Variants in DNAH8 observed in about 807,000 individuals in gnomAD.
The protein encoded by DNAH8 is dynein axonemal heavy chain 8.
DNAH8 carries 382 observed loss-of-function variants against 562.1 expected under a neutral mutation model. That is an observed-to-expected ratio of 0.68 (90% CI 0.63 to 0.74). The LOEUF (loss-of-function observed/expected upper bound fraction) is 0.74, where lower values mean the gene tolerates loss of function less well. DNAH8 is among the 30% of genes least tolerant of loss of function. DNAH8 has a pLI of 0.00. For missense variants in DNAH8, 5,203 were observed against 5,620.4 expected, an observed-to-expected ratio of 0.93 and a Z score of 2.37; for synonymous variants, 1,881 against 1,919.4, an observed-to-expected ratio of 0.98 and a Z score of 0.52.
chr6:38,761,441 G>GT lies in DNAH8; in HGVS notation c.1516-252dup, dbSNP rs149254080. ...GAAAATTCCAATTTCAAGTTCTCTA[G>GT]TTTTTTTTTAATGTTATTATTATTA... is the stretch of plus-strand genomic sequence containing the variant. On this transcript the variant is annotated intron_variant, in intron 10 of 92. Transcript: ENST00000327475. 0.12 allele frequency among the ~76,000 whole-genome samples: 17,956 copies of GT among 148,560 alleles called. 1,316 individuals are homozygous for GT. Among genetic ancestry groups the GT allele is most frequent in the Admixed American group, 0.21 (3,148 of 14,848 alleles).
intron 56 of DNAH8, among the ~76,000 whole-genome samples, chr6:38,885,089 A>G (rs1286030064): frequency 6.6e-6 from 1 of 152,214 alleles, no homozygotes; most frequent in African/African-American, 2.4e-5. Context: ...TCCAAGGCAG[A>G]TAGACCTCAG....
chr6:38,963,641 C>T (rs1762779664), intron 82 of DNAH8, among the ~76,000 whole-genome samples: 1 of 131,166 alleles, frequency 7.6e-6, no homozygotes, highest in South Asian at 2.7e-4. Context: ...GCTGGGATTA[C>T]AGTCGTGAGC....
chr6:39,027,064 C>A (rs1169376202), intron 92 of DNAH8, among the ~76,000 whole-genome samples: 1 of 151,668 alleles, frequency 6.6e-6, no homozygotes, highest in Non-Finnish European at 1.5e-5. Context: ...CCACCATAAA[C>A]AAACAAACAA....
chr6:38,905,940 C>T (rs1446743572), intron 62 of DNAH8, among the ~76,000 whole-genome samples: 2 of 152,082 alleles, frequency 1.3e-5, no homozygotes, highest in Non-Finnish European at 1.5e-5. Flanking sequence ...GAGTCTCACT[C>T]TGTCGCCCAG....
At chr6:38,796,639 C>A (rs1012244967) in intron 21 of DNAH8, among the ~76,000 whole-genome samples, 4 of 152,058 alleles carry the variant, frequency 2.6e-5, no homozygotes, top group Non-Finnish European at 4.4e-5. Flanking sequence ...TGTGAAAATC[C>A]CTGTCCTGTT....
In DNAH8 at chr6:38,870,559, G is replaced by T. The variant is rs751705607; in HGVS notation, c.6987G>T (p.Val2329=). ...INHPPWNLKL[V]QLYETSLVRH... is the part of the protein sequence containing the mutation. ...ATCCACCCTGGAACCTGAAACTCGTGCAGGTAAAGACATTTTAATCTATTA... is the reference window on the plus strand; with the variant it reads ...ATCCACCCTGGAACCTGAAACTCGTTCAGGTAAAGACATTTTAATCTATTA... The change falls in exon 49 of 93, where the codon GTG becomes GTT. Residue 2329 remains valine (V), a synonymous_variant. Transcript: ENST00000327475. The T allele has an allele frequency of 4.6e-5, 75 of 1,613,132 alleles. No homozygotes were observed. The highest frequency in any genetic ancestry group is 6.7e-5 in the African/African-American group (5 of 74,860).
chr6:38,874,763 A>G (rs970983621), intron 52 of DNAH8, among the ~76,000 whole-genome samples: 21 of 152,174 alleles, frequency 1.4e-4, no homozygotes, highest in Non-Finnish European at 2.9e-4. Context: ...ATTCTGATCT[A>G]TAGGTGATCT....
chr6:38,852,851 T>C, intron 40 of DNAH8, 53 bp downstream of exon 40: 1 of 1,361,526 alleles, frequency 7.3e-7, no homozygotes, highest in South Asian at 1.2e-5. Flanking sequence ...AAAACTTAGG[T>C]TGAGGAGAAT....
chr6:38,843,006 C>A, intron 35 of DNAH8, 103 bp downstream of exon 35: 1 of 1,231,610 alleles, frequency 8.1e-7, no homozygotes, highest in Non-Finnish European at 1.1e-6. Context: ...GACTAATTGC[C>A]CTCTATAATG....
intron 79 of DNAH8, among the ~76,000 whole-genome samples, chr6:38,942,535 C>T (rs1220461296): frequency 6.6e-6 from 1 of 152,178 alleles, no homozygotes; most frequent in East Asian, 1.9e-4. Context: ...GTCACACCCA[C>T]CATGGAAGCA....
intron 26 of DNAH8, among the ~76,000 whole-genome samples, chr6:38,821,212 A>G (rs1256522959): frequency 6.6e-6 from 1 of 152,222 alleles, no homozygotes; most frequent in Non-Finnish European, 1.5e-5. Flanking sequence ...TTAGCAATGA[A>G]CCATCTGAAA....
intron 92 of DNAH8, among the ~76,000 whole-genome samples, chr6:39,027,186 G>A (rs925452441): frequency 2.0e-5 from 3 of 152,152 alleles, no homozygotes; most frequent in African/African-American, 7.2e-5. Context: ...AATAAGCAGT[G>A]ATCACACCAC....
Position 38,873,127 on chromosome 6 carries a change from A to C in DNAH8, c.7459A>C (p.Ser2487Arg), listed in dbSNP as rs764800306. Residue 2487 changes from serine (S) to arginine (R), a missense_variant, in exon 51 of 93, where the codon AGC (serine) becomes CGC (arginine). Ser to Arg is a moderately radical substitution (Grantham distance 110, BLOSUM62 -1). Transcript: ENST00000327475. ...GGTCTATATCAGCAGCTCTGCTCTC[A>C]GCTGGAGGCCAATCTTACAGGTGGG... ...GMVYISSSALSWRPILQAWLK... is the reference protein window; with the variant it reads ...GMVYISSSALRWRPILQAWLK... The C allele has an allele frequency of 1.9e-5, 31 of 1,613,502 alleles. No homozygotes were observed. The highest frequency in any genetic ancestry group is 5.9e-6 in the Non-Finnish European group (7 of 1,179,954).
rs546029118 is a variant in DNAH8, at chr6:38,728,257, C to T, written c.526-1645C>T. 2.8e-4 allele frequency among the ~76,000 whole-genome samples: 41 copies of T among 146,846 alleles called. No homozygotes were observed. The East Asian group carries it at 3.1e-3, about 11-fold the overall frequency. On this transcript the variant is annotated intron_variant, in intron 3 of 92. Transcript: ENST00000327475. ...TGCTGGGATTACAGAGGTGAGCCAC[C>T]GAGCCTGGCCTACTTAAAGTCTTTT...
intron 4 of DNAH8, 135 bp from the exon 5 acceptor site, chr6:38,734,339 A>AT: frequency 5.2e-6 from 4 of 763,906 alleles, no homozygotes; most frequent in Non-Finnish European, 7.1e-6. Context: ...CCCCCCCAAA[A>AT]AAATTATTCT....
chr6:38,994,698 A>G (rs1765022393), intron 88 of DNAH8, among the ~76,000 whole-genome samples: 2 of 137,746 alleles, frequency 1.5e-5, no homozygotes, highest in African/African-American at 5.6e-5. Context: ...CCCAGGCTGG[A>G]GTGCTGTGGC....
At chr6:38,866,509 G>A (rs540224222) in intron 45 of DNAH8, 82 bp from the exon 46 acceptor site, 29 of 978,360 alleles carry the variant, frequency 3.0e-5, no homozygotes, top group South Asian at 2.5e-4. Context: ...CTTAAAATCT[G>A]AATTAGGGGT....
intron 21 of DNAH8, among the ~76,000 whole-genome samples, chr6:38,799,953 T>C (rs977489155): frequency 6.6e-6 from 1 of 152,232 alleles, no homozygotes; most frequent in African/African-American, 2.4e-5. Context: ...TTTCTTTTTT[T>C]TCTTTTTAAA....
intron 53 of DNAH8, among the ~76,000 whole-genome samples, chr6:38,877,791 G>A (rs1442888741): frequency 6.6e-6 from 1 of 152,186 alleles, no homozygotes; most frequent in Non-Finnish European, 1.5e-5. Context: ...GAGTAATGGG[G>A]ACTGGGTTTA....
Sources: allele counts gnomAD v4.1 joint callset (sites outside exome capture counted in the v4.1 genomes callset), GRCh38; gene constraint gnomAD v4.1.1; transcripts MANE v1.5; gene names NCBI Gene and HGNC (gene_info 2026-07-23, HGNC 2026-07-21).